The following NALCN variants were observed in gnomAD, a reference collection of about 807,000 sequenced individuals.
NALCN encodes the protein sodium leak channel NALCN.
In NALCN, 111 loss-of-function variants were observed where a neutral mutation model predicts 225.3. The ratio of observed to expected loss-of-function variants is 0.49; its 90% confidence interval spans 0.42 to 0.58. The LOEUF is 0.58. NALCN is among the 20% of genes least tolerant of loss of function. NALCN has a pLI of 0.00. For synonymous variants in NALCN, 764 were observed against 769.0 expected (o/e 0.99, Z 0.11); for missense variants, 1,378 against 2,202.4 (o/e 0.63, Z 7.49).
In NALCN at chr13:101,229,680, T is replaced by C. The variant is rs138545576; in HGVS notation, c.1435-96A>G. The C allele has an allele frequency of 3.9e-6, 4 of 1,024,302 alleles. No individual in the cohort carries two copies. The East Asian group carries it at 9.2e-5, about 24-fold the overall frequency. 63.5% of individuals were successfully genotyped at this position (1,024,302 alleles called of 1,614,324 possible). A position where few individuals can be genotyped will look rare whatever the true frequency, so the allele number is the denominator to read the frequency against. The stretch of plus-strand genomic sequence containing the variant: ...ATACTAAAATATTATTTTATAGTGC[T>C]TTATGAAAATCATACCTCTCTATTT... On this transcript the variant is annotated intron_variant, in intron 12 of 43. Coordinates refer to ENST00000251127, the MANE Select transcript of NALCN (RefSeq NM_052867.4).
intron 7 of NALCN, among the ~76,000 whole-genome samples, chr13:101,339,053 T>C (rs2045475069): frequency 6.6e-6 from 1 of 152,206 alleles, no homozygotes; most frequent in Non-Finnish European, 1.5e-5. Flanking sequence ...GTCGCCTCTT[T>C]TATGTCTCAG....
chr13:101,073,715 T>C (rs370835862), intron 36 of NALCN, 38 bp from the exon 37 acceptor site: 10 of 1,551,336 alleles, frequency 6.4e-6, no homozygotes, highest in African/African-American at 5.4e-5. Flanking sequence ...ATGTGAATTA[T>C]AGAAGGGTTT....
At chr13:101,206,500 G>A (rs975182379) in intron 13 of NALCN, among the ~76,000 whole-genome samples, 1 of 151,742 alleles carries the variant, frequency 6.6e-6, no homozygotes, top group African/African-American at 2.4e-5. Context: ...AATATAACTA[G>A]CATGTCCGTG....
chr13:101,361,027 C>T (rs1278393973), intron 6 of NALCN, among the ~76,000 whole-genome samples: 1 of 152,156 alleles, frequency 6.6e-6, no homozygotes, highest in East Asian at 1.9e-4. Flanking sequence ...GATTTCTAAC[C>T]TGGCCAATTC....
At chr13:101,337,222 C>A (rs551051232) in intron 7 of NALCN, among the ~76,000 whole-genome samples, 35 of 152,186 alleles carry the variant, frequency 2.3e-4, no homozygotes, top group African/African-American at 7.9e-4. Context: ...GAGACCAACC[C>A]CTTAAGGGGC....
At chr13:101,180,143 G>T (rs2039133805) in intron 14 of NALCN, among the ~76,000 whole-genome samples, 1 of 150,650 alleles carries the variant, frequency 6.6e-6, no homozygotes, top group South Asian at 2.1e-4. Flanking sequence ...GGTTCTGTGG[G>T]TTAAGCCATG....
intron 7 of NALCN, among the ~76,000 whole-genome samples, chr13:101,297,996 G>C (rs550047915): frequency 2.0e-5 from 3 of 152,248 alleles, no homozygotes; most frequent in African/African-American, 7.2e-5. Flanking sequence ...CAGTTGGAAG[G>C]GAAAAGAAAC....
chr13:101,380,857 A>AAC (rs58640505), intron 3 of NALCN, among the ~76,000 whole-genome samples: 15,415 of 145,496 alleles, frequency 0.11, 862 homozygotes, highest in Non-Finnish European at 0.14. Context: ...ATGCCTAGCT[A>AAC]ACACACACAC....
intron 6 of NALCN, among the ~76,000 whole-genome samples, chr13:101,356,618 G>A (rs1345357563): frequency 1.3e-5 from 2 of 152,162 alleles, no homozygotes; most frequent in African/African-American, 2.4e-5. Flanking sequence ...AGAGGAGCTG[G>A]TATCATTCCT....
At chr13:101,351,229 A>C (rs1242512230) in intron 6 of NALCN, among the ~76,000 whole-genome samples, 1 of 152,148 alleles carries the variant, frequency 6.6e-6, no homozygotes, top group Non-Finnish European at 1.5e-5. Context: ...ATGCACTTTT[A>C]AGTGTAATAA....
intron 14 of NALCN, among the ~76,000 whole-genome samples, chr13:101,189,536 C>T (rs760407892): frequency 5.3e-5 from 8 of 152,128 alleles, no homozygotes; most frequent in East Asian, 1.9e-4. Flanking sequence ...CCTCACTTTC[C>T]GATACAAACA....
intron 40 of NALCN, among the ~76,000 whole-genome samples, chr13:101,064,203 T>C (rs1009635681): frequency 6.6e-6 from 1 of 152,096 alleles, no homozygotes; most frequent in Admixed American, 6.5e-5. Context: ...AACAAAGACA[T>C]GGATATTGCT....
intron 13 of NALCN, among the ~76,000 whole-genome samples, chr13:101,223,171 T>G (rs2041011308): frequency 6.6e-6 from 1 of 152,116 alleles, no homozygotes; most frequent in Non-Finnish European, 1.5e-5. Flanking sequence ...GCCATTCACC[T>G]CTACAACACT....
In NALCN at chr13:101,359,394, T is replaced by G. The variant is rs553338312; in HGVS notation, c.645-13974A>C. Among the ~76,000 whole-genome samples, 4 of 152,346 alleles carry G rather than the reference T, an allele frequency of 2.6e-5. No homozygotes were observed. The East Asian group carries it at 7.7e-4, about 29-fold the overall frequency. On this transcript the variant is annotated intron_variant, in intron 6 of 43. Coordinates refer to ENST00000251127, the MANE Select transcript of NALCN (RefSeq NM_052867.4). ...CATGAAAGATACGTGTATCTTGAGC[T>G]TCGCATAAAACTGATGTCTCTTTAT...
At chr13:101,256,709 T>C (rs2042240907) in intron 11 of NALCN, among the ~76,000 whole-genome samples, 1 of 151,932 alleles carries the variant, frequency 6.6e-6, no homozygotes, top group Non-Finnish European at 1.5e-5. Flanking sequence ...TCATTGTTCT[T>C]TCCCTGTGTT....
chr13:101,148,961 G>A lies in NALCN; in HGVS notation c.1840-4065C>T, dbSNP rs542819439. ...CGTTTAACCTGAACTGATGTCTGTC[G>A]TTGACAAACTAATGAATGTTTAGAC... On this transcript the variant is annotated intron_variant, in intron 15 of 43. Transcript: ENST00000251127. Among the ~76,000 whole-genome samples the A allele has an allele frequency of 8.1e-4, 123 of 152,156 alleles. 2 individuals carry two copies. The highest frequency in any genetic ancestry group is 2.8e-3 in the African/African-American group (117 of 41,512).
chr13:101,307,048 A>G (rs533587258), intron 7 of NALCN, among the ~76,000 whole-genome samples: 8 of 152,194 alleles, frequency 5.3e-5, no homozygotes, highest in Non-Finnish European at 8.8e-5. Flanking sequence ...ACCACAACCA[A>G]TAGACATGAG....
intron 15 of NALCN, among the ~76,000 whole-genome samples, chr13:101,147,975 T>G (rs1051869274): frequency 6.6e-6 from 1 of 152,160 alleles, no homozygotes; most frequent in Non-Finnish European, 1.5e-5. Flanking sequence ...TAGAAATTCC[T>G]CACAGAAGCT....
At chr13:101,394,326 T>C (rs899420006) in intron 3 of NALCN, among the ~76,000 whole-genome samples, 3 of 152,242 alleles carry the variant, frequency 2.0e-5, no homozygotes, top group African/African-American at 7.2e-5. Context: ...GTGTTATATA[T>C]TGTCTCAGTA....
Sources: allele counts gnomAD v4.1 joint callset (sites outside exome capture counted in the v4.1 genomes callset), GRCh38; gene constraint gnomAD v4.1.1; transcripts MANE v1.5; gene names NCBI Gene and HGNC (gene_info 2026-07-23, HGNC 2026-07-21).